CREB3L2: variants seen among roughly 807,000 people sequenced by gnomAD.
The protein encoded by CREB3L2 is cAMP responsive element binding protein 3 like 2, also known as cyclic AMP-responsive element-binding protein 3-like protein 2.
A neutral mutation model predicts 57.2 loss-of-function variants in CREB3L2; 23 were observed. The observed-to-expected ratio is 0.40, with a 90% CI of 0.29 to 0.57. The LOEUF (loss-of-function observed/expected upper bound fraction) is 0.57. Ranked by LOEUF, CREB3L2 falls within the 20% of genes least tolerant of loss-of-function variation. The pLI is 0.42. For synonymous variants in CREB3L2, 268 were observed against 265.1 expected, an observed-to-expected ratio of 1.01 and a Z score of -0.11; for missense variants, 628 against 634.7, an observed-to-expected ratio of 0.99 and a Z score of 0.11.
At chr7:137,937,264 T>A (rs1800804706) in intron 1 of CREB3L2, among the ~76,000 whole-genome samples, 1 of 152,152 alleles carries the variant, frequency 6.6e-6, no homozygotes, top group Admixed American at 6.5e-5. Flanking sequence ...AGCAAGCTGA[T>A]CCTCTCCATA....
chr7:137,903,654 C>T (rs952881218), intron 7 of CREB3L2, among the ~76,000 whole-genome samples: 7 of 152,148 alleles, frequency 4.6e-5, no homozygotes, highest in Non-Finnish European at 8.8e-5. Flanking sequence ...GCTAGAAGTT[C>T]CAGGAATGTG....
Position 137,916,008 on chromosome 7 carries a change from C to G in CREB3L2, c.324G>C (p.Glu108Asp). ...ACAGGTACCATTTCTCACTTTCCAC[C>G]TCATCTGCAGGAAAAAAGACAAGCA... ...ITTSDSFNDDEVESEKWYLST... is the reference protein window; with the variant it reads ...ITTSDSFNDDDVESEKWYLST... The change falls in exon 3 of 12, where the codon GAG (glutamate) becomes GAC (aspartate). Residue 108 changes from glutamate (E) to aspartate (D), a missense_variant. Glu to Asp is a conservative substitution (Grantham distance 45). Around this residue, in one of 3 missense-constraint regions of CREB3L2, gnomAD observed 339 missense variants for 355.4 expected, o/e 0.95. Coordinates refer to ENST00000330387, the MANE Select transcript of CREB3L2 (RefSeq NM_194071.4). The G allele has an allele frequency of 1.9e-6, 3 of 1,611,372 alleles. No individual in the cohort carries two copies. Among genetic ancestry groups the G allele is most frequent in the Non-Finnish European group, 2.5e-6 (3 of 1,178,818 alleles).
intron 1 of CREB3L2, among the ~76,000 whole-genome samples, chr7:137,943,940 C>T (rs1800920223): frequency 6.6e-6 from 1 of 152,138 alleles, no homozygotes; most frequent in African/African-American, 2.4e-5. Flanking sequence ...AGGTTCTTTC[C>T]ATGGGTCTGT....
chr7:137,883,195 T>C (rs1799335573), intron 10 of CREB3L2, among the ~76,000 whole-genome samples: 1 of 152,250 alleles, frequency 6.6e-6, no homozygotes, highest in South Asian at 2.1e-4. Flanking sequence ...CAATTAAATT[T>C]AGAGAGATAG....
chr7:137,922,068 C>A (rs1225087309), intron 2 of CREB3L2, among the ~76,000 whole-genome samples: 1 of 151,888 alleles, frequency 6.6e-6, no homozygotes, highest in Non-Finnish European at 1.5e-5. Flanking sequence ...GAGCACCCAG[C>A]TCAACATACA....
rs926049952 is a variant in CREB3L2, at chr7:137,903,863, A to C, written c.974+96T>G. Reference sequence around the variant, plus strand: ...ACCACCGGGTTTCCAAGGTGGCCAGAAAGAGGAATTGAACTGCTTCTCCCC... The same window carrying C: ...ACCACCGGGTTTCCAAGGTGGCCAGCAAGAGGAATTGAACTGCTTCTCCCC... On this transcript the variant is annotated intron_variant, in intron 7 of 11. Transcript: ENST00000330387. The C allele has an allele frequency of 4.7e-6, 5 of 1,074,478 alleles. No homozygotes were observed. In the Admixed American group the frequency reaches 5.5e-5, roughly 12 times the overall value. 66.6% of individuals were successfully genotyped at this position (1,074,478 alleles called of 1,614,324 possible).
At chr7:137,971,678 CAA>C (rs35280186) in intron 1 of CREB3L2, among the ~76,000 whole-genome samples, 5 of 129,322 alleles carry the variant, frequency 3.9e-5, no homozygotes, top group Admixed American at 8.0e-5. Flanking sequence ...CTGGATGGTA[CAA>C]AAAAAAAAAA....
chr7:137,996,665 G>A (rs1801992068), intron 1 of CREB3L2, among the ~76,000 whole-genome samples: 1 of 152,216 alleles, frequency 6.6e-6, no homozygotes, highest in African/African-American at 2.4e-5. Flanking sequence ...TCAGCACTCA[G>A]TAAGACATGG....
intron 1 of CREB3L2, among the ~76,000 whole-genome samples, chr7:137,972,734 TATAGAGAGAGAGAGAGAG>T (rs1385567619): frequency 1.2e-3 from 29 of 23,416 alleles, no homozygotes; most frequent in African/African-American, 2.4e-3. Flanking sequence ...TATATATATA[TATAGAGAGAGAGAGAGAG>T]AGAGAGAGAG....
intron 1 of CREB3L2, among the ~76,000 whole-genome samples, chr7:137,971,081 T>G (rs1468305586): frequency 6.6e-6 from 1 of 151,794 alleles, no homozygotes; most frequent in African/African-American, 2.4e-5. Flanking sequence ...ACACACAAAC[T>G]TCAAGAAAAA....
chr7:137,922,453 T>TATATATACGTATATATATATATATACAC (rs1554498063), intron 2 of CREB3L2: 2 of 72,580 alleles, frequency 2.8e-5, no homozygotes, highest in African/African-American at 1.3e-4. Context: ...TATATATATA[T>TATATATACGTATATATATATATATACAC]ACACACATAT....
Position 137,877,288 on chromosome 7 carries a change from CA to C in CREB3L2, c.*3187del. On this transcript the variant is annotated 3_prime_UTR_variant, in exon 12 of 12. Transcript: ENST00000330387. ...CCAAATCAAAATCATTTATATTAAC[CA>C]AAAGGTTATCTAATTTTGCCCATAT... is the stretch of plus-strand genomic sequence containing the variant. 4.4e-6 allele frequency: 1 copy of C among 225,922 alleles called. No individual in the cohort carries two copies. Among genetic ancestry groups the C allele is most frequent in the Non-Finnish European group, 8.8e-6 (1 of 113,504 alleles). The allele number at this position is 225,922 out of a possible 1,614,324, so 14.0% of individuals were successfully genotyped here. A position where few individuals can be genotyped will look rare whatever the true frequency, so the allele number is the denominator to read the frequency against.
rs190784773 is a variant in CREB3L2 at position 137,969,872 on chromosome 7, T to C, written c.102+31732A>G. Among the ~76,000 whole-genome samples, 47 of 152,238 alleles carry C rather than the reference T, an allele frequency of 3.1e-4. 1 individual carries two copies. In the East Asian group the frequency reaches 5.4e-3, roughly 18 times the overall value. On this transcript the variant is annotated intron_variant, in intron 1 of 11. Transcript: ENST00000330387. The stretch of plus-strand genomic sequence containing the variant: ...GCAACTGATGGATTTAGTCAAATGA[T>C]ATATGTCTTGACTGTATTATTTTTA...
At chr7:137,952,056 T>G (rs968221113) in intron 1 of CREB3L2, among the ~76,000 whole-genome samples, 2 of 152,190 alleles carry the variant, frequency 1.3e-5, no homozygotes, top group Admixed American at 6.5e-5. Flanking sequence ...TTTCTTTTCT[T>G]ATTTCTCTAA....
At chr7:137,937,164 T>C (rs1039725004) in intron 1 of CREB3L2, among the ~76,000 whole-genome samples, 2 of 152,170 alleles carry the variant, frequency 1.3e-5, no homozygotes, top group African/African-American at 2.4e-5. Context: ...AGAAGAAGCC[T>C]CTGTACTTAA....
At chr7:137,988,969 A>C (rs1410857362) in intron 1 of CREB3L2, among the ~76,000 whole-genome samples, 4 of 144,378 alleles carry the variant, frequency 2.8e-5, no homozygotes, top group Admixed American at 6.9e-5. Flanking sequence ...AAAAGGAAGG[A>C]AGGGAGGGAG....
chr7:137,890,580 G>T (rs533299480), intron 8 of CREB3L2, among the ~76,000 whole-genome samples: 1 of 152,306 alleles, frequency 6.6e-6, no homozygotes, highest in East Asian at 1.9e-4. Context: ...ATCAGCTCAT[G>T]GAATAATGAG....
intron 1 of CREB3L2, among the ~76,000 whole-genome samples, chr7:137,954,967 T>TC (rs1801179212): frequency 6.6e-6 from 1 of 152,116 alleles, no homozygotes. Flanking sequence ...AGAAACCAGG[T>TC]CCTGTAACTG....
At chr7:137,899,893 A>C (rs1799717114) in intron 8 of CREB3L2, among the ~76,000 whole-genome samples, 1 of 152,124 alleles carries the variant, frequency 6.6e-6, no homozygotes, top group Admixed American at 6.5e-5. Context: ...ATTATCAAAT[A>C]ACATGCAAAG....
Sources: gnomAD v4.1 joint callset for allele counts (sites outside exome capture counted in the v4.1 genomes callset) on GRCh38, gnomAD v4.1.1 for gene constraint, gnomAD v4.1.1 regional missense constraint, MANE v1.5 for transcripts, NCBI Gene and HGNC (gene_info 2026-07-23, HGNC 2026-07-21) for gene names.